Variants in HOXD1 observed in about 807,000 individuals in gnomAD.
HOXD1 encodes homeobox protein Hox-D1.
HOXD1 carries 17 observed loss-of-function variants against 19.9 expected under a neutral mutation model. The observed-to-expected ratio is 0.85, with a 90% CI of 0.58 to 1.28. HOXD1 has a LOEUF of 1.28. HOXD1 is among the 50% of genes most tolerant of loss of function. The pLI is 0.00. For synonymous variants in HOXD1, 239 were observed against 216.0 expected (o/e 1.11, Z -0.93); for missense variants, 500 against 460.1 (o/e 1.09, Z -0.79).
In HOXD1 at chr2:176,190,898, T is replaced by C. The variant is rs1173896513; in HGVS notation, c.*756T>C. ...AGGGTTTTTTTTGTAATAAAAATTATAGAATCTGCTGCTCTCTGCTTTTCT... is the reference window on the plus strand; with the variant it reads ...AGGGTTTTTTTTGTAATAAAAATTACAGAATCTGCTGCTCTCTGCTTTTCT... On this transcript the variant is annotated 3_prime_UTR_variant, in exon 2 of 2. Coordinates refer to ENST00000331462, the MANE Select transcript of HOXD1 (RefSeq NM_024501.3). 2 of 152,566 alleles carry C rather than the reference T, an allele frequency of 1.3e-5. No individual in the cohort carries two copies. Among genetic ancestry groups the C allele is most frequent in the African/African-American group, 4.8e-5 (2 of 41,376 alleles). The allele number at this position is 152,566 out of a possible 1,614,324, so 9.5% of individuals were successfully genotyped here.
In HOXD1 at chr2:176,189,325, C is replaced by T; in HGVS notation, c.524C>T (p.Pro175Leu). Reference protein sequence around the residue: ...ACLKASADGHPGAFQTASPAP... With the variant: ...ACLKASADGHLGAFQTASPAP... ...CTCAAAGCGTCAGCCGACGGCCACC[C>T]TGGTGCTTTCCAGACCGCATCCCCG... Residue 175 changes from proline to leucine, a missense_variant, in exon 1 of 2, where the codon CCT becomes CTT. Physicochemically the swap from Pro to Leu is moderately conservative, Grantham distance 98 (BLOSUM62 -3). Coordinates refer to ENST00000331462, the MANE Select transcript of HOXD1 (RefSeq NM_024501.3). The T allele has an allele frequency of 6.2e-7, 1 of 1,612,566 alleles. No individual in the cohort carries two copies. The highest frequency in any genetic ancestry group is 8.5e-7 in the Non-Finnish European group (1 of 1,179,870).
At chr2:176,189,754 C>T (rs1691753732) in intron 1 of HOXD1, 54 bp from the exon 2 acceptor site, 2 of 1,610,440 alleles carry the variant, frequency 1.2e-6, no homozygotes, top group African/African-American at 1.3e-5. Flanking sequence ...CACTGCTCAC[C>T]CACATTCTGT....
At position 176,188,696 on chromosome 2, in the gene HOXD1, A is replaced by G. The variant is rs760373778; in HGVS notation, c.-106A>G. ...ATGGGTTGGAGAGGGCAGCTCGGGT[A>G]GAGAGGGCTGGCGGAGCGGCGCAGA... On this transcript the variant is annotated 5_prime_UTR_variant, in exon 1 of 2. It removes the in-frame stop codon of an upstream open reading frame in the 5' UTR. Transcript: ENST00000331462. The G allele has an allele frequency of 6.8e-6, 8 of 1,182,946 alleles. No individual in the cohort carries two copies. The highest frequency in any genetic ancestry group is 1.5e-5 in the African/African-American group (1 of 65,122). The allele number at this position is 1,182,946 out of a possible 1,614,324, so 73.3% of individuals were successfully genotyped here.
chr2:176,188,714 G>C lies in HOXD1; in HGVS notation c.-88G>C. On this transcript the variant is annotated 5_prime_UTR_variant, in exon 1 of 2. Coordinates refer to ENST00000331462, the MANE Select transcript of HOXD1 (RefSeq NM_024501.3). ...CTCGGGTAGAGAGGGCTGGCGGAGC[G>C]GCGCAGACGGCGGCAGTCCTGCTCA... 7.3e-7 allele frequency: 1 copy of C among 1,368,490 alleles called. No homozygotes were observed. Among genetic ancestry groups the C allele is most frequent in the Non-Finnish European group, 1.0e-6 (1 of 984,150 alleles). 84.8% of individuals were successfully genotyped at this position (1,368,490 alleles called of 1,614,324 possible).
rs368324761 is a variant in HOXD1, at chr2:176,189,744, C to T, written c.653-64C>T. 1.7e-3 allele frequency: 2,818 copies of T among 1,610,564 alleles called. 71 individuals carry two copies. The South Asian group carries it at 0.028, about 16-fold the overall frequency. On this transcript the variant is annotated intron_variant, in intron 1 of 1. Transcript: ENST00000331462. ...CTGGGACTTTGATTCTAACTAGCTC[C>T]ACTGCTCACCCACATTCTGTCCCCG... is the stretch of plus-strand genomic sequence containing the variant.
rs754413010 is a variant in HOXD1 at position 176,189,349 on chromosome 2, C to T, written c.548C>T (p.Pro183Leu). The change falls in exon 1 of 2, where the codon CCG (proline) becomes CTG (leucine). Residue 183 changes from proline (P) to leucine (L), a missense_variant. By Grantham distance (98) the Pro-to-Leu change is moderately conservative. Transcript: ENST00000331462. ...CCTGGTGCTTTCCAGACCGCATCCC[C>T]GGCCCCAGGCACCTACCCCAAGTCC... ...GHPGAFQTAS[P>L]APGTYPKSVS... The T allele has an allele frequency of 8.1e-6, 13 of 1,612,866 alleles. No individual in the cohort carries two copies. The highest frequency in any genetic ancestry group is 2.2e-5 in the East Asian group (1 of 44,838).
intron 1 of HOXD1, 158 bp downstream of exon 1, chr2:176,189,611 A>T: frequency 6.4e-7 from 1 of 1,563,956 alleles, no homozygotes; most frequent in Non-Finnish European, 8.7e-7. Context: ...GTCTGCCTCG[A>T]GTACAGATTC....
In HOXD1 at chr2:176,189,209, C is replaced by G; in HGVS notation, c.408C>G (p.Thr136=). ...GCGGGTCTCACGTCCACTACGCCAC[C>G]TCGGCCGTCTTCTCGGGCGGCGGCT... ...DDGGSHVHYA[T]SAVFSGGGSF... The change falls in exon 1 of 2, where the codon ACC becomes ACG. Residue 136 remains threonine, a synonymous_variant. Coordinates refer to ENST00000331462, the MANE Select transcript of HOXD1 (RefSeq NM_024501.3). 6.3e-7 allele frequency: 1 copy of G among 1,584,862 alleles called. No individual in the cohort carries two copies. Among genetic ancestry groups the G allele is most frequent in the Non-Finnish European group, 8.6e-7 (1 of 1,167,532 alleles).
At chr2:176,189,751 C>T in intron 1 of HOXD1, 57 bp from the exon 2 acceptor site, 3 of 1,609,008 alleles carry the variant, frequency 1.9e-6, no homozygotes, top group South Asian at 1.1e-5. Flanking sequence ...CTCCACTGCT[C>T]ACCCACATTC....
Position 176,189,003 on chromosome 2 carries a change from G to GC in HOXD1, c.207dup (p.Ala70ArgfsTer147). On this transcript the variant is annotated frameshift_variant, in exon 1 of 2. Coordinates refer to ENST00000331462, the MANE Select transcript of HOXD1 (RefSeq NM_024501.3). LOFTEE classifies it high-confidence loss of function. ...CCGACCCTCGCCTTCGCCCCCGGCC[G>GC]CCCCCGCGCGGCCGTCCGTACCGCC... 7.0e-7 allele frequency: 1 copy of GC among 1,421,010 alleles called. No individual in the cohort carries two copies. The highest frequency in any genetic ancestry group is 1.6e-5 in the South Asian group (1 of 64,234). 88.0% of individuals were successfully genotyped at this position (1,421,010 alleles called of 1,614,324 possible). A position where few individuals can be genotyped will look rare whatever the true frequency, so the allele number is the denominator to read the frequency against.
At chr2:176,189,616 A>G in intron 1 of HOXD1, 163 bp downstream of exon 1, 1 of 1,563,226 alleles carries the variant, frequency 6.4e-7, no homozygotes. Flanking sequence ...CCTCGAGTAC[A>G]GATTCGGAAA....
chr2:176,190,310 A>G lies in HOXD1; in HGVS notation c.*168A>G, dbSNP rs1392180065. On this transcript the variant is annotated 3_prime_UTR_variant, in exon 2 of 2. Transcript: ENST00000331462. Reference sequence around the variant, plus strand: ...AGTTGGCTTCCGAGTTCCAGACTATATGTCCAGATATTAATTGACTGTCTT... The same window carrying G: ...AGTTGGCTTCCGAGTTCCAGACTATGTGTCCAGATATTAATTGACTGTCTT... 3 of 588,934 alleles carry G rather than the reference A, an allele frequency of 5.1e-6. No homozygotes were observed. In the African/African-American group the frequency reaches 5.6e-5, roughly 11 times the overall value. 36.5% of individuals were successfully genotyped at this position (588,934 alleles called of 1,614,324 possible).
rs1290458270 is a variant in HOXD1, at chr2:176,189,143, G to A, written c.342G>A (p.Ala114=). 6.3e-7 allele frequency: 1 copy of A among 1,584,846 alleles called. No individual in the cohort carries two copies. Among genetic ancestry groups the A allele is most frequent in the Non-Finnish European group, 8.5e-7 (1 of 1,169,886 alleles). ...ACGGCTTCCTGGGGTCCGGGCCGGC[G>A]TACGACTTCCCGGGCGTGCTGGGGC... The part of the protein sequence containing the change: ...ADYGFLGSGP[A]YDFPGVLGRA... Residue 114 remains alanine (A), a synonymous_variant, in exon 1 of 2, where the codon GCG becomes GCA. Coordinates refer to ENST00000331462, the MANE Select transcript of HOXD1 (RefSeq NM_024501.3).
At chr2:176,189,776 G>A (rs761677545) in intron 1 of HOXD1, 32 bp from the exon 2 acceptor site, 1 of 1,611,852 alleles carries the variant, frequency 6.2e-7, no homozygotes, top group Admixed American at 1.7e-5. Flanking sequence ...CCCGGCCTCA[G>A]GCCTGGCTGA....
In HOXD1 at chr2:176,188,838, A is replaced by G; in HGVS notation, c.37A>G (p.Ser13Gly). The change falls in exon 1 of 2, where the codon AGC becomes GGC. Residue 13 changes from serine to glycine, a missense_variant. Physicochemically the swap from Ser to Gly is moderately conservative, Grantham distance 56. Coordinates refer to ENST00000331462, the MANE Select transcript of HOXD1 (RefSeq NM_024501.3). ...SYLEYVSCSS[S>G]GGVGGDVLSL... The stretch of plus-strand genomic sequence containing the variant: ...CCTGGAGTACGTGTCATGCAGCAGC[A>G]GCGGCGGGGTCGGCGGCGACGTGCT... 8 of 1,607,312 alleles carry G rather than the reference A, an allele frequency of 5.0e-6. No individual in the cohort carries two copies. The highest frequency in any genetic ancestry group is 6.8e-6 in the Non-Finnish European group (8 of 1,177,906).
In HOXD1 at chr2:176,188,769, G is replaced by A; in HGVS notation, c.-33G>A. 4 of 1,598,766 alleles carry A rather than the reference G, an allele frequency of 2.5e-6. No homozygotes were observed. The highest frequency in any genetic ancestry group is 3.4e-6 in the Non-Finnish European group (4 of 1,173,550). ...CTGCCCGGCTCCGTACTCCGGCCCCGGCCTGCGCCCTCAGAAAGGTGGGGC... is the reference window on the plus strand; with the variant it reads ...CTGCCCGGCTCCGTACTCCGGCCCCAGCCTGCGCCCTCAGAAAGGTGGGGC... On this transcript the variant is annotated 5_prime_UTR_variant, in exon 1 of 2. Coordinates refer to ENST00000331462, the MANE Select transcript of HOXD1 (RefSeq NM_024501.3).
At chr2:176,189,638 A>C in intron 1 of HOXD1, 170 bp from the exon 2 acceptor site, 1 of 1,567,102 alleles carries the variant, frequency 6.4e-7, no homozygotes, top group Non-Finnish European at 8.6e-7. Flanking sequence ...TGTGCCAGGC[A>C]TTGAGAAAAT....
At position 176,188,805 on chromosome 2, in the gene HOXD1, A is replaced by C; in HGVS notation, c.4A>C (p.Ser2Arg). The part of the protein sequence containing the change: M[S>R]SYLEYVSCSS... The stretch of plus-strand genomic sequence containing the variant: ...TCAGAAAGGTGGGGCCCGAACCATG[A>C]GCTCCTACCTGGAGTACGTGTCATG... The change falls in exon 1 of 2, where the codon AGC becomes CGC. Residue 2 changes from serine to arginine, a missense_variant. By Grantham distance (110) the Ser-to-Arg change is moderately radical. Transcript: ENST00000331462. The C allele has an allele frequency of 6.2e-7, 1 of 1,607,990 alleles. No homozygotes were observed. Among genetic ancestry groups the C allele is most frequent in the Non-Finnish European group, 8.5e-7 (1 of 1,177,838 alleles).
Position 176,189,084 on chromosome 2 carries a change from G to T in HOXD1, c.283G>T (p.Ala95Ser). Residue 95 changes from alanine (A) to serine (S), a missense_variant, in exon 1 of 2, where the codon GCC (alanine) becomes TCC (serine). By Grantham distance (99) the Ala-to-Ser change is moderately conservative. Transcript: ENST00000331462. ...CCTGGAGGGGGCCTACGAACCTGGT[G>T]CCGCACCTGCCGCGGCAGCTGGGGG... is the stretch of plus-strand genomic sequence containing the variant. ...CTLEGAYEPG[A>S]APAAAAGGAD... The T allele has an allele frequency of 6.7e-7, 1 of 1,501,612 alleles. No individual in the cohort carries two copies. The highest frequency in any genetic ancestry group is 8.8e-7 in the Non-Finnish European group (1 of 1,133,586). The allele number at this position is 1,501,612 out of a possible 1,614,324, so 93.0% of individuals were successfully genotyped here.
Sources: allele counts gnomAD v4.1 joint callset, GRCh38; gene constraint gnomAD v4.1.1; transcripts MANE v1.5; gene names NCBI Gene and HGNC (gene_info 2026-07-23, HGNC 2026-07-21).